Variants in RNF125 observed in about 807,000 individuals in gnomAD.
RNF125 encodes the protein ring finger protein 125.
RNF125 carries 21 observed loss-of-function variants against 26.0 expected under a neutral mutation model. The observed-to-expected ratio is 0.81, with a 90% CI of 0.57 to 1.16. The LOEUF is 1.16. Ranked by LOEUF, RNF125 falls within the 50% of genes most tolerant of loss-of-function variation. RNF125 has a pLI of 0.00. For missense variants in RNF125, 270 were observed against 299.4 expected (o/e 0.90, Z 0.72); for synonymous variants, 95 against 109.2 (o/e 0.87, Z 0.81).
At chr18:32,051,126 G>A (rs1389968620) in intron 4 of RNF125, among the ~76,000 whole-genome samples, 1 of 151,820 alleles carries the variant, frequency 6.6e-6, no homozygotes, top group Admixed American at 6.6e-5. Context: ...ATTAATTTCA[G>A]CTTTTGCTTT....
intron 3 of RNF125, 81 bp from the exon 4 acceptor site, chr18:32,045,561 C>CAAA: frequency 4.5e-5 from 32 of 717,786 alleles, no homozygotes; most frequent in South Asian, 1.2e-4. Context: ...ACTCTTGTCT[C>CAAA]AAAAAAAAAA....
chr18:32,084,303 C>T, the RNF125 span, among the ~76,000 whole-genome samples: 25 of 152,048 alleles, frequency 1.6e-4, no homozygotes, highest in Admixed American at 1.2e-3. Flanking sequence ...TGCAGTGAGC[C>T]GAGATAGTGC....
At chr18:32,056,286 A>G (rs1406478166) in intron 4 of RNF125, among the ~76,000 whole-genome samples, 3 of 152,194 alleles carry the variant, frequency 2.0e-5, no homozygotes, top group Non-Finnish European at 2.9e-5. Context: ...TTGCCCTACA[A>G]AGCTCTGAGA....
Position 32,071,693 on chromosome 18 carries a change from A to G in RNF125, c.*3309A>G, listed in dbSNP as rs1295332436. The G allele has an allele frequency of 6.6e-6, 1 of 152,112 alleles. No individual in the cohort carries two copies. Among genetic ancestry groups the G allele is most frequent in the Admixed American group, 6.6e-5 (1 of 15,262 alleles). The allele number at this position is 152,112 out of a possible 1,614,324, so 9.4% of individuals were successfully genotyped here. A position where few individuals can be genotyped will look rare whatever the true frequency, so the allele number is the denominator to read the frequency against. On this transcript the variant is annotated 3_prime_UTR_variant, in exon 6 of 6. Transcript: ENST00000217740. ...CCAAAATTTTCTATAAGTTATTGTA[A>G]CTCCTTAAAGGTCTTGCTACAGTTC...
chr18:32,062,484 T>C (rs920506901), intron 4 of RNF125, among the ~76,000 whole-genome samples: 7 of 152,168 alleles, frequency 4.6e-5, no homozygotes, highest in Non-Finnish European at 8.8e-5. Context: ...AATTCAACAA[T>C]AATTAATTAA....
chr18:32,021,141 C>T (rs1195911345), intron 1 of RNF125, among the ~76,000 whole-genome samples: 10 of 152,130 alleles, frequency 6.6e-5, no homozygotes, highest in Admixed American at 5.9e-4. Flanking sequence ...AGTGCAGTGG[C>T]ACGATCTTGG....
At chr18:32,019,053 C>G in intron 1 of RNF125, 26 bp downstream of exon 1, 1 of 1,609,236 alleles carries the variant, frequency 6.2e-7, no homozygotes, top group Non-Finnish European at 8.5e-7. Context: ...GCTCGGTTTG[C>G]GCCCACCCCT....
intron 4 of RNF125, among the ~76,000 whole-genome samples, chr18:32,057,922 G>C (rs551106373): frequency 1.3e-5 from 2 of 152,156 alleles, no homozygotes; most frequent in South Asian, 4.1e-4. Flanking sequence ...ACCAGATGGT[G>C]ACAATGCTGC....
chr18:32,059,058 T>A (rs2039412319), intron 4 of RNF125, among the ~76,000 whole-genome samples: 1 of 152,220 alleles, frequency 6.6e-6, no homozygotes, highest in South Asian at 2.1e-4. Context: ...TCTTGACTAT[T>A]CTGAATAGTA....
At chr18:32,039,578 C>A (rs59035721) in intron 2 of RNF125, among the ~76,000 whole-genome samples, 2 of 151,946 alleles carry the variant, frequency 1.3e-5, no homozygotes, top group African/African-American at 4.8e-5. Context: ...AGATTATTGC[C>A]TATTTTTACT....
intron 2 of RNF125, among the ~76,000 whole-genome samples, chr18:32,039,222 T>G (rs2039192374): frequency 6.6e-6 from 1 of 151,648 alleles, no homozygotes; most frequent in Non-Finnish European, 1.5e-5. Context: ...GGAAGAGACC[T>G]TGTCTCTACT....
At chr18:32,039,969 T>C (rs9956739) in intron 2 of RNF125, among the ~76,000 whole-genome samples, 1 of 151,598 alleles carries the variant, frequency 6.6e-6, no homozygotes, top group Non-Finnish European at 1.5e-5. Flanking sequence ...AGTAGAGACG[T>C]GGTTTCACCA....
the RNF125 span, among the ~76,000 whole-genome samples, chr18:32,079,107 A>G: frequency 1.3e-5 from 2 of 152,186 alleles, no homozygotes; most frequent in African/African-American, 4.8e-5. Context: ...GCTTTACTAG[A>G]AATTCAATTC....
At position 32,021,683 on chromosome 18, in the gene RNF125, G is replaced by A. The variant is rs554256621; in HGVS notation, c.164+2656G>A. 9.2e-5 allele frequency among the ~76,000 whole-genome samples: 14 copies of A among 152,160 alleles called. No homozygotes were observed. The East Asian group carries it at 1.9e-3, about 21-fold the overall frequency. On this transcript the variant is annotated intron_variant, in intron 1 of 5. Coordinates refer to ENST00000217740, the MANE Select transcript of RNF125 (RefSeq NM_017831.4). ...TTGAAGATTCTTTTTGGAACAGACC[G>A]CTTTGCTATTCAATGATCTGACTGG...
chr18:32,085,599 G>A, the RNF125 span, among the ~76,000 whole-genome samples: 1 of 149,964 alleles, frequency 6.7e-6, no homozygotes, highest in Admixed American at 6.7e-5. Flanking sequence ...TACTTGGGAG[G>A]CTGAGGCAGG....
intron 4 of RNF125, among the ~76,000 whole-genome samples, chr18:32,055,464 G>A (rs1235105456): frequency 6.6e-6 from 1 of 152,152 alleles, no homozygotes; most frequent in Admixed American, 6.6e-5. Context: ...GCACATGGCT[G>A]GGGTGGCCTC....
chr18:32,027,545 T>G (rs2039048878), intron 1 of RNF125, among the ~76,000 whole-genome samples: 1 of 152,172 alleles, frequency 6.6e-6, no homozygotes, highest in Non-Finnish European at 1.5e-5. Flanking sequence ...CAGAGACTCA[T>G]ACCATCCACA....
intron 5 of RNF125, among the ~76,000 whole-genome samples, chr18:32,067,995 A>G (rs1423914979): frequency 6.6e-6 from 1 of 152,170 alleles, no homozygotes; most frequent in African/African-American, 2.4e-5. Context: ...GGAACATAGC[A>G]CTCTGACCAG....
intron 4 of RNF125, among the ~76,000 whole-genome samples, chr18:32,047,862 C>T (rs915214973): frequency 2.6e-5 from 4 of 152,186 alleles, no homozygotes; most frequent in Non-Finnish European, 5.9e-5. Context: ...TACAGTGGCT[C>T]ACACCTGTAA....
Sources: gnomAD v4.1 joint callset for allele counts (sites outside exome capture counted in the v4.1 genomes callset) on GRCh38, gnomAD v4.1.1 for gene constraint, MANE v1.5 for transcripts, NCBI Gene and HGNC (gene_info 2026-07-23, HGNC 2026-07-21) for gene names.